PLA2G4A: variants seen among roughly 807,000 people sequenced by gnomAD.
The protein encoded by PLA2G4A is cytosolic phospholipase A2.
PLA2G4A carries 40 observed loss-of-function variants against 81.9 expected under a neutral mutation model. The ratio of observed to expected loss-of-function variants is 0.49; its 90% confidence interval spans 0.38 to 0.64. The LOEUF (loss-of-function observed/expected upper bound fraction) is 0.64, where lower values mean the gene tolerates loss of function less well. Among genes scored for constraint, PLA2G4A ranks in the 30% least tolerant of loss-of-function variants. The pLI is 0.00. For missense variants in PLA2G4A, 715 were observed against 905.1 expected, an observed-to-expected ratio of 0.79 and a Z score of 2.69; for synonymous variants, 302 against 296.9, an observed-to-expected ratio of 1.02 and a Z score of -0.18.
intron 10 of PLA2G4A, among the ~76,000 whole-genome samples, chr1:186,943,010 G>A (rs12073758): frequency 0.31 from 46,464 of 151,886 alleles, 9,641 homozygotes; most frequent in African/African-American, 0.58. Flanking sequence ...TGAGTTACTG[G>A]GAAAAAAAGA....
chr1:186,952,059 GTTGT>G (rs1656579698), intron 13 of PLA2G4A, among the ~76,000 whole-genome samples: 1 of 152,088 alleles, frequency 6.6e-6, no homozygotes, highest in Non-Finnish European at 1.5e-5. Context: ...ATATATTTTA[GTTGT>G]TTAAGTCCTT....
intron 1 of PLA2G4A, among the ~76,000 whole-genome samples, chr1:186,840,270 C>T (rs1651932440): frequency 6.6e-6 from 1 of 152,026 alleles, no homozygotes; most frequent in African/African-American, 2.4e-5. Flanking sequence ...GATTAAGAAC[C>T]CCCAAGTCTA....
chr1:186,888,313 C>A (rs1448968070), intron 3 of PLA2G4A, among the ~76,000 whole-genome samples: 2 of 152,192 alleles, frequency 1.3e-5, no homozygotes, highest in Non-Finnish European at 2.9e-5. Flanking sequence ...CATTGAGAAT[C>A]TAAAATGGCT....
intron 2 of PLA2G4A, among the ~76,000 whole-genome samples, chr1:186,855,109 T>G (rs1006698939): frequency 6.6e-6 from 1 of 152,006 alleles, no homozygotes; most frequent in Non-Finnish European, 1.5e-5. Context: ...CCTCCTTGGA[T>G]GAAAAGTTTA....
chr1:186,899,419 T>C (rs1010098858), intron 5 of PLA2G4A, among the ~76,000 whole-genome samples: 2 of 152,056 alleles, frequency 1.3e-5, no homozygotes, highest in African/African-American at 4.8e-5. Context: ...GGCATGTCCT[T>C]AAAGAAAGGG....
At chr1:186,962,369 T>G (rs1272591732) in intron 14 of PLA2G4A, among the ~76,000 whole-genome samples, 10 of 152,078 alleles carry the variant, frequency 6.6e-5, no homozygotes, top group Admixed American at 5.9e-4. Flanking sequence ...ACTACCATAC[T>G]CCCATTATTG....
At chr1:186,984,259 C>T (rs1230702937) in intron 17 of PLA2G4A, among the ~76,000 whole-genome samples, 3 of 152,064 alleles carry the variant, frequency 2.0e-5, no homozygotes, top group Admixed American at 6.6e-5. Flanking sequence ...TGCCTGCCCA[C>T]GTAGTATGGC....
At chr1:186,894,319 T>C (rs1161856335) in intron 5 of PLA2G4A, 108 bp downstream of exon 5, 6 of 670,228 alleles carry the variant, frequency 9.0e-6, no homozygotes, top group South Asian at 6.6e-5. Context: ...GTTCATAGAA[T>C]GTTTGCTTTT....
intron 7 of PLA2G4A, among the ~76,000 whole-genome samples, chr1:186,914,583 GGCT>G (rs991066835): frequency 1.3e-5 from 2 of 152,016 alleles, no homozygotes; most frequent in Non-Finnish European, 2.9e-5. Flanking sequence ...CATGACTGGG[GGCT>G]GCATGCACCA....
intron 3 of PLA2G4A, among the ~76,000 whole-genome samples, chr1:186,878,068 T>C (rs969385159): frequency 3.4e-5 from 5 of 147,982 alleles, no homozygotes; most frequent in African/African-American, 7.4e-5. Context: ...GTCTATACTT[T>C]GGCTAAAGTA....
chr1:186,961,966 A>G (rs1656961351), intron 14 of PLA2G4A, among the ~76,000 whole-genome samples: 1 of 152,196 alleles, frequency 6.6e-6, no homozygotes, highest in South Asian at 2.1e-4. Context: ...TGCCATTCTG[A>G]GTAGCATGAT....
At chr1:186,830,964 T>TTC (rs1402280754) in intron 1 of PLA2G4A, among the ~76,000 whole-genome samples, 1 of 60,334 alleles carries the variant, frequency 1.7e-5, no homozygotes, top group East Asian at 5.6e-4. Context: ...CTTGCTTTCT[T>TTC]TCTTTCTTTC....
At chr1:186,967,143 A>G (rs1225231998) in intron 15 of PLA2G4A, among the ~76,000 whole-genome samples, 2 of 152,130 alleles carry the variant, frequency 1.3e-5, no homozygotes, top group East Asian at 1.9e-4. Flanking sequence ...TTTTTTCTCT[A>G]TCATATGATG....
chr1:186,936,023 C>T (rs944473525), intron 8 of PLA2G4A, among the ~76,000 whole-genome samples: 7 of 151,868 alleles, frequency 4.6e-5, no homozygotes, highest in African/African-American at 4.8e-5. Context: ...ACTAAAAAAA[C>T]AGGACAGTAA....
chr1:186,829,735 G>GAA lies in PLA2G4A; in HGVS notation c.-70+707_-70+708dup, dbSNP rs12720486. ...AGTAATTTTGTTTCCAAAAAAAACA[G>GAA]AAAAAAAAGGTATTTGATTTTAAAG... On this transcript the variant is annotated intron_variant, in intron 1 of 17. Coordinates refer to ENST00000367466, the MANE Select transcript of PLA2G4A (RefSeq NM_024420.3). Among the ~76,000 whole-genome samples the GAA allele has an allele frequency of 5.2e-4, 79 of 151,616 alleles. 1 individual carries two copies. Among genetic ancestry groups the GAA allele is most frequent in the African/African-American group, 1.8e-3 (74 of 41,376 alleles).
intron 1 of PLA2G4A, among the ~76,000 whole-genome samples, chr1:186,832,111 G>T (rs1019763907): frequency 1.7e-4 from 26 of 152,036 alleles, no homozygotes; most frequent in Admixed American, 3.9e-4. Flanking sequence ...GGCTGTACTG[G>T]CCAATTATAT....
In PLA2G4A at chr1:186,829,003, G is replaced by A. The variant is rs1051640464; in HGVS notation, c.-102G>A. 2 of 152,144 alleles carry A rather than the reference G, an allele frequency of 1.3e-5. No individual in the cohort carries two copies. The highest frequency in any genetic ancestry group is 2.4e-5 in the African/African-American group (1 of 41,422). The allele number at this position is 152,144 out of a possible 1,614,324, so 9.4% of individuals were successfully genotyped here. A position where few individuals can be genotyped will look rare whatever the true frequency, so the allele number is the denominator to read the frequency against. On this transcript the variant is annotated 5_prime_UTR_variant, in exon 1 of 18. Transcript: ENST00000367466. Reference sequence around the variant, plus strand: ...AGCTGAAAAAGGATCCTGACTGAAAGCTAGAGGCATTGAGGAGCCTGAAGA... The same window carrying A: ...AGCTGAAAAAGGATCCTGACTGAAAACTAGAGGCATTGAGGAGCCTGAAGA...
Position 186,956,312 on chromosome 1 carries a change from T to TTGA in PLA2G4A, c.1557_1559dup (p.Asp519dup). 6.2e-7 allele frequency: 1 copy of TTGA among 1,613,784 alleles called. No individual in the cohort carries two copies. Among genetic ancestry groups the TTGA allele is most frequent in the Admixed American group, 1.7e-5 (1 of 60,008 alleles). ...AGTGACTTTGCCACACAGGACTCCT[T>TTGA]TGATGATGATGAACTGGATGCAGCT... On this transcript the variant is annotated inframe_insertion, in exon 14 of 18. Coordinates refer to ENST00000367466, the MANE Select transcript of PLA2G4A (RefSeq NM_024420.3).
At chr1:186,961,842 C>G (rs573786521) in intron 14 of PLA2G4A, among the ~76,000 whole-genome samples, 9 of 152,220 alleles carry the variant, frequency 5.9e-5, no homozygotes, top group African/African-American at 2.2e-4. Context: ...ATCTTCCTCC[C>G]TTATTCAAGG....
Sources: gnomAD v4.1 joint callset for allele counts (sites outside exome capture counted in the v4.1 genomes callset) on GRCh38, gnomAD v4.1.1 for gene constraint, MANE v1.5 for transcripts, NCBI Gene and HGNC (gene_info 2026-07-23, HGNC 2026-07-21) for gene names.